DGKI: variants seen among roughly 807,000 people sequenced by gnomAD.
The protein encoded by DGKI is diacylglycerol kinase iota.
A neutral mutation model predicts 147.5 loss-of-function variants in DGKI; 55 were observed. The ratio of observed to expected loss-of-function variants is 0.37; its 90% confidence interval spans 0.30 to 0.47. The LOEUF is 0.47. DGKI is among the 20% of genes least tolerant of loss of function. The pLI, the probability that DGKI is intolerant of heterozygous loss-of-function variation, is 1.00. For synonymous variants in DGKI, 469 were observed against 477.1 expected (o/e 0.98, Z 0.22); for missense variants, 1,007 against 1,323.8 (o/e 0.76, Z 3.71).
At position 137,552,391 on chromosome 7, in the gene DGKI, T is replaced by G; in HGVS notation, c.2125A>C (p.Thr709Pro). 1 of 1,613,488 alleles carries G rather than the reference T, an allele frequency of 6.2e-7. No homozygotes were observed. Among genetic ancestry groups the G allele is most frequent in the Non-Finnish European group, 8.5e-7 (1 of 1,180,028 alleles). The change falls in exon 20 of 33, where the codon ACA becomes CCA. Residue 709 changes from threonine to proline, a missense_variant. By Grantham distance (38) the Thr-to-Pro change is conservative. This residue lies in a region of DGKI where 385 missense variants were observed against 445.2 expected (regional missense o/e 0.86). Transcript: ENST00000614521. ...CACTCATTGAGTAAAGGCATGGATGTTCTCCTCTTGCTCTTCTGTACCATG... is the reference window on the plus strand; with the variant it reads ...CACTCATTGAGTAAAGGCATGGATGGTCTCCTCTTGCTCTTCTGTACCATG... ...ANMVQKSKRR[T>P]SMPLLNDPQS...
At chr7:137,600,467 C>T (rs1398002661) in intron 10 of DGKI, among the ~76,000 whole-genome samples, 1 of 152,016 alleles carries the variant, frequency 6.6e-6, no homozygotes, top group Admixed American at 6.6e-5. Flanking sequence ...GACAAGAATA[C>T]CCAGTTTGCA....
chr7:137,515,279 G>C (rs974073786), intron 21 of DGKI, among the ~76,000 whole-genome samples: 1 of 152,140 alleles, frequency 6.6e-6, no homozygotes, highest in Non-Finnish European at 1.5e-5. Flanking sequence ...AGCACTTGCT[G>C]CCATATTGTA....
intron 1 of DGKI, among the ~76,000 whole-genome samples, chr7:137,743,306 T>C (rs1426246281): frequency 3.9e-5 from 6 of 152,180 alleles, no homozygotes; most frequent in Non-Finnish European, 1.5e-5. Context: ...GGATACTTCA[T>C]CCAGCAGCCA....
intron 21 of DGKI, among the ~76,000 whole-genome samples, chr7:137,499,495 T>A (rs1816094919): frequency 6.6e-6 from 1 of 152,118 alleles, no homozygotes; most frequent in Admixed American, 6.6e-5. Flanking sequence ...TGTGGGCAAG[T>A]GTCATCGTGT....
intron 1 of DGKI, among the ~76,000 whole-genome samples, chr7:137,820,523 T>A (rs1797865919): frequency 6.6e-6 from 1 of 152,174 alleles, no homozygotes; most frequent in African/African-American, 2.4e-5. Flanking sequence ...CATAAGAGGC[T>A]CTTCCATGTA....
chr7:137,529,156 T>C (rs556587156), intron 20 of DGKI, among the ~76,000 whole-genome samples: 4 of 152,144 alleles, frequency 2.6e-5, no homozygotes, highest in African/African-American at 4.8e-5. Flanking sequence ...TTTTAAAGCC[T>C]CCATGGAAAT....
intron 2 of DGKI, among the ~76,000 whole-genome samples, chr7:137,681,237 A>T (rs148791754): frequency 2.1e-3 from 314 of 152,298 alleles, no homozygotes; most frequent in African/African-American, 7.2e-3. Flanking sequence ...TTTCTTCTCT[A>T]CTGGTAATTT....
chr7:137,826,232 A>G (rs1034504662), intron 1 of DGKI, among the ~76,000 whole-genome samples: 1 of 152,202 alleles, frequency 6.6e-6, no homozygotes, highest in African/African-American at 2.4e-5. Context: ...CCATTATATG[A>G]GAAGAAAGGT....
At chr7:137,814,309 A>G (rs1797673577) in intron 1 of DGKI, among the ~76,000 whole-genome samples, 1 of 152,194 alleles carries the variant, frequency 6.6e-6, no homozygotes, top group South Asian at 2.1e-4. Context: ...AAAGTAAAGA[A>G]ATGCCAAAAA....
intron 21 of DGKI, among the ~76,000 whole-genome samples, chr7:137,507,105 A>G (rs1385810898): frequency 1.3e-5 from 2 of 152,210 alleles, no homozygotes; most frequent in Non-Finnish European, 2.9e-5. Flanking sequence ...GCTCACCTGG[A>G]ACCAATGGGG....
In DGKI at chr7:137,773,450, C is replaced by T. The variant is rs567276018; in HGVS notation, c.401+73012G>A. 2.5e-4 allele frequency among the ~76,000 whole-genome samples: 38 copies of T among 152,210 alleles called. No individual in the cohort carries two copies. In the South Asian group the frequency reaches 6.4e-3, roughly 26 times the overall value. On this transcript the variant is annotated intron_variant, in intron 1 of 32. Transcript: ENST00000614521. ...TCTGATCCCCAGGAAAAGCTGGAGCCCTGAAACCTGGTGACTCTGAGGGAC... is the reference window on the plus strand; with the variant it reads ...TCTGATCCCCAGGAAAAGCTGGAGCTCTGAAACCTGGTGACTCTGAGGGAC...
chr7:137,550,385 AG>A (rs1818006178), intron 20 of DGKI, among the ~76,000 whole-genome samples: 1 of 152,046 alleles, frequency 6.6e-6, no homozygotes, highest in African/African-American at 2.4e-5. Context: ...CGTGTTGACC[AG>A]GCTGGTCTTG....
intron 1 of DGKI, among the ~76,000 whole-genome samples, chr7:137,744,020 TAGA>T (rs1490016444): frequency 6.1e-5 from 9 of 147,514 alleles, no homozygotes; most frequent in African/African-American, 2.5e-5. Context: ...CCAAAGCTAG[TAGA>T]AGAAGAGAAA....
intron 1 of DGKI, among the ~76,000 whole-genome samples, chr7:137,747,461 C>T (rs1453898779): frequency 6.6e-6 from 1 of 152,118 alleles, no homozygotes; most frequent in East Asian, 1.9e-4. Flanking sequence ...GGGCATAATC[C>T]GTAAATGACT....
At chr7:137,785,846 C>T (rs79021257) in intron 1 of DGKI, among the ~76,000 whole-genome samples, 123 of 152,112 alleles carry the variant, frequency 8.1e-4, no homozygotes, top group African/African-American at 2.8e-3. Flanking sequence ...TGTGATACAC[C>T]ACTAACAGAA....
intron 7 of DGKI, 79 bp from the exon 8 acceptor site, chr7:137,620,019 GCACACACACACA>G (rs3839659): frequency 1.7e-4 from 83 of 502,558 alleles, no homozygotes; most frequent in Admixed American, 5.7e-4. Context: ...ATGTACACAC[GCACACACACACA>G]CACACACACA....
chr7:137,689,791 G>A (rs1252873144), intron 2 of DGKI, 103 bp downstream of exon 2: 1 of 789,660 alleles, frequency 1.3e-6, no homozygotes, highest in Non-Finnish European at 1.9e-6. Context: ...AGGCAATGTT[G>A]AAAATTATTA....
chr7:137,430,423 A>T (rs1439870200), intron 28 of DGKI, among the ~76,000 whole-genome samples: 2 of 99,930 alleles, frequency 2.0e-5, no homozygotes, highest in East Asian at 6.7e-4. Context: ...GGGAGGGGGG[A>T]GGGATGGCAT....
chr7:137,748,518 G>C (rs2116744250), intron 1 of DGKI, among the ~76,000 whole-genome samples: 1 of 152,248 alleles, frequency 6.6e-6, no homozygotes, highest in South Asian at 2.1e-4. Context: ...ACTATTTATT[G>C]AGTCCCTTCT....
Sources: allele counts gnomAD v4.1 joint callset (sites outside exome capture counted in the v4.1 genomes callset), GRCh38; gene constraint gnomAD v4.1.1; regional missense constraint gnomAD v4.1.1; transcripts MANE v1.5; gene names NCBI Gene and HGNC (gene_info 2026-07-23, HGNC 2026-07-21).